Variants in PCDHGB1 observed in about 807,000 individuals in gnomAD.
PCDHGB1 encodes the protein protocadherin gamma subfamily B, 1.
PCDHGB1 carries 34 observed loss-of-function variants against 56.6 expected under a neutral mutation model. The ratio of observed to expected loss-of-function variants is 0.60; its 90% CI spans 0.46 to 0.80. PCDHGB1 has a LOEUF of 0.80. Among genes scored for constraint, PCDHGB1 ranks in the 30% least tolerant of loss-of-function variants. PCDHGB1 has a pLI of 0.00. For synonymous variants in PCDHGB1, 561 were observed against 505.9 expected (o/e 1.11, Z -1.46); for missense variants, 1,278 against 1,204.6 (o/e 1.06, Z -0.90).
At chr5:141,397,887 G>C in intron 1 of PCDHGB1, 1 of 617,602 alleles carries the variant, frequency 1.6e-6, no homozygotes, top group South Asian at 2.4e-5. Flanking sequence ...GCCGCTGTTG[G>C]CCAAAGTGCA....
chr5:141,419,746 G>A (rs1561783927), intron 1 of PCDHGB1: 2 of 1,613,896 alleles, frequency 1.2e-6, no homozygotes, highest in Admixed American at 1.7e-5. Context: ...TGCGCATGGT[G>A]CGTGCTTTGG....
intron 1 of PCDHGB1, among the ~76,000 whole-genome samples, chr5:141,446,174 G>A (rs1242027176): frequency 1.3e-5 from 2 of 152,062 alleles, no homozygotes; most frequent in Non-Finnish European, 2.9e-5. Context: ...GAGGGCAGGG[G>A]GTGTTTTGTT....
intron 1 of PCDHGB1, among the ~76,000 whole-genome samples, chr5:141,472,590 C>G (rs1161871973): frequency 6.6e-6 from 1 of 151,908 alleles, no homozygotes; most frequent in African/African-American, 2.4e-5. Flanking sequence ...GTCAGAAGCT[C>G]TCTTGAAATT....
intron 1 of PCDHGB1, among the ~76,000 whole-genome samples, chr5:141,439,168 G>C (rs2098092980): frequency 6.6e-6 from 1 of 150,792 alleles, no homozygotes; most frequent in Non-Finnish European, 1.5e-5. Context: ...ACTCCAGCCT[G>C]GGCGACATAG....
chr5:141,365,012 A>G (rs1309716907), intron 1 of PCDHGB1: 2 of 1,613,794 alleles, frequency 1.2e-6, no homozygotes, highest in African/African-American at 2.7e-5. Context: ...CACCACGCAC[A>G]TCCGTGTTAC....
chr5:141,370,413 T>C (rs778967972), intron 1 of PCDHGB1: 2 of 1,567,918 alleles, frequency 1.3e-6, no homozygotes, highest in South Asian at 2.4e-5. Flanking sequence ...TAGCTCCGGA[T>C]GGAGGGGCCC....
intron 1 of PCDHGB1, chr5:141,362,758 C>A: frequency 1.5e-6 from 1 of 649,730 alleles, no homozygotes. Flanking sequence ...AAACCTTTAT[C>A]ACATGAGATA....
In PCDHGB1 at chr5:141,477,041, C is replaced by A; in HGVS notation, c.2410-17766C>A. 3 of 1,614,242 alleles carry A rather than the reference C, an allele frequency of 1.9e-6. No individual in the cohort carries two copies. Among genetic ancestry groups the A allele is most frequent in the Admixed American group, 1.7e-5 (1 of 60,036 alleles). Reference sequence around the variant, plus strand: ...AACCGGGATGCTGACAATCAAGGGTCGGCTGGACTTCGAGGACACCAAACT... The same window carrying A: ...AACCGGGATGCTGACAATCAAGGGTAGGCTGGACTTCGAGGACACCAAACT... On this transcript the variant is annotated intron_variant, in intron 1 of 3. Transcript: ENST00000523390. The surrounding 1 kb of genome is among the most constrained non-coding windows in gnomAD (Gnocchi z 4.9).
In PCDHGB1 at chr5:141,432,142, C is replaced by T; in HGVS notation, c.2410-62665C>T. 1 of 1,614,098 alleles carries T rather than the reference C, an allele frequency of 6.2e-7. No individual in the cohort carries two copies. Among genetic ancestry groups the T allele is most frequent in the Non-Finnish European group, 8.5e-7 (1 of 1,180,016 alleles). On this transcript the variant is annotated intron_variant, in intron 1 of 3. Transcript: ENST00000523390. This position sits in a 1 kb window ranked among gnomAD's most constrained non-coding sequence, Gnocchi z 6.0. Reference sequence around the variant, plus strand: ...CTCAGGCCTCCTATTCCGCTTATATCCCAGAGAACAATCCCAGAGGAGTTT... The same window carrying T: ...CTCAGGCCTCCTATTCCGCTTATATTCCAGAGAACAATCCCAGAGGAGTTT...
At chr5:141,429,647 T>C (rs1430094173) in intron 1 of PCDHGB1, among the ~76,000 whole-genome samples, 2 of 152,272 alleles carry the variant, frequency 1.3e-5, no homozygotes, top group African/African-American at 4.8e-5. Flanking sequence ...TATATATTTC[T>C]TCCCAATTTA....
In PCDHGB1 at chr5:141,493,164, T is replaced by C. The variant is rs558860783; in HGVS notation, c.2410-1643T>C. Among the ~76,000 whole-genome samples the C allele has an allele frequency of 4.6e-5, 7 of 152,340 alleles. 1 individual carries two copies. The South Asian group carries it at 1.2e-3, about 27-fold the overall frequency. On this transcript the variant is annotated intron_variant, in intron 1 of 3. Coordinates refer to ENST00000523390, the MANE Select transcript of PCDHGB1 (RefSeq NM_018922.3). The surrounding 1 kb of genome is among the most constrained non-coding windows in gnomAD (Gnocchi z 4.3). Reference sequence around the variant, plus strand: ...ACCCCCAGGTGATTTTGATAGCTGATTGAGAGAAACTTACTATATAACTCC... The same window carrying C: ...ACCCCCAGGTGATTTTGATAGCTGACTGAGAGAAACTTACTATATAACTCC...
chr5:141,384,293 A>G, intron 1 of PCDHGB1: 1 of 1,613,660 alleles, frequency 6.2e-7, no homozygotes, highest in Non-Finnish European at 8.5e-7. Flanking sequence ...GCTGAGAACA[A>G]CCCCAGAGGG....
At position 141,356,713 on chromosome 5, in the gene PCDHGB1, G is replaced by A. The variant is rs746566965; in HGVS notation, c.2409+4044G>A. On this transcript the variant is annotated intron_variant, in intron 1 of 3. Transcript: ENST00000523390. ...CCAGGGTGCACCTCTGTCCTCCTAT[G>A]TCTCCATCAACTCCAATACAGGGAT... 3 of 1,613,846 alleles carry A rather than the reference G, an allele frequency of 1.9e-6. No individual in the cohort carries two copies. The African/African-American group carries it at 4.0e-5, about 22-fold the overall frequency.
At chr5:141,392,867 G>C in intron 1 of PCDHGB1, 6 of 1,612,942 alleles carry the variant, frequency 3.7e-6, no homozygotes, top group Non-Finnish European at 5.1e-6. Flanking sequence ...TGCTGTGCGC[G>C]CTGCTGGGAA....
At chr5:141,409,145 T>G (rs2095231039) in intron 1 of PCDHGB1, 1 of 1,613,884 alleles carries the variant, frequency 6.2e-7, no homozygotes, top group Non-Finnish European at 8.5e-7. Flanking sequence ...TGTAGAAAGG[T>G]ACACCATGGA....
intron 1 of PCDHGB1, chr5:141,390,167 G>A: frequency 6.2e-7 from 1 of 1,614,028 alleles, no homozygotes; most frequent in Non-Finnish European, 8.5e-7. Context: ...GAAAGACGGA[G>A]TTTAATTTCC....
intron 1 of PCDHGB1, chr5:141,361,379 T>C: frequency 6.2e-7 from 1 of 1,613,918 alleles, no homozygotes; most frequent in South Asian, 1.1e-5. Context: ...CGGGAGGAGA[T>C]CCCAGAATAC....
chr5:141,491,659 G>A lies in PCDHGB1; in HGVS notation c.2410-3148G>A. On this transcript the variant is annotated intron_variant, in intron 1 of 3. Transcript: ENST00000523390. This position sits in a 1 kb window ranked among gnomAD's most constrained non-coding sequence, Gnocchi z 6.9. ...CACAGCTCTGGCGCTGGAGCCTGACGCCATCCGGTCCCGCTCTAATACGCT... is the reference window on the plus strand; with the variant it reads ...CACAGCTCTGGCGCTGGAGCCTGACACCATCCGGTCCCGCTCTAATACGCT... 6.2e-7 allele frequency: 1 copy of A among 1,613,766 alleles called. No homozygotes were observed. The highest frequency in any genetic ancestry group is 8.5e-7 in the Non-Finnish European group (1 of 1,180,004).
In PCDHGB1 at chr5:141,413,958, G is replaced by A. The variant is rs774080265; in HGVS notation, c.2409+61289G>A. On this transcript the variant is annotated intron_variant, in intron 1 of 3. Coordinates refer to ENST00000523390, the MANE Select transcript of PCDHGB1 (RefSeq NM_018922.3). ...TGAGTGTTCCTGAGAATTTGCCTGT[G>A]GGCACTCAGCTGCTGACAGTCACAG... The A allele has an allele frequency of 5.0e-6, 8 of 1,613,276 alleles. No individual in the cohort carries two copies. In the South Asian group the frequency reaches 6.6e-5, roughly 13 times the overall value.
Sources: allele counts gnomAD v4.1 joint callset (sites outside exome capture counted in the v4.1 genomes callset), GRCh38; gene constraint gnomAD v4.1.1; non-coding constraint Gnocchi (gnomAD v3.1); transcripts MANE v1.5; gene names NCBI Gene and HGNC (gene_info 2026-07-23, HGNC 2026-07-21).